The following ERC2 variants were observed in gnomAD, a reference collection of about 807,000 sequenced individuals.
ERC2 encodes ELKS/RAB6-interacting/CAST family member 2.
A neutral mutation model predicts 114.8 loss-of-function variants in ERC2; 42 were observed. The observed-to-expected ratio is 0.37, with a 90% CI of 0.29 to 0.47. ERC2 has a LOEUF of 0.47. Among genes scored for constraint, ERC2 ranks in the 20% least tolerant of loss-of-function variants. The pLI is 0.99. For missense variants in ERC2, 939 were observed against 1,150.7 expected (o/e 0.82, Z 2.66); for synonymous variants, 454 against 425.5 (o/e 1.07, Z -0.82).
At chr3:56,159,828 G>A (rs763755497) in intron 4 of ERC2, among the ~76,000 whole-genome samples, 3 of 152,126 alleles carry the variant, frequency 2.0e-5, no homozygotes, top group Non-Finnish European at 4.4e-5. Flanking sequence ...TGCTGCAAAG[G>A]ACATGGTTTC....
chr3:55,864,820 T>C (rs968238143), intron 14 of ERC2, among the ~76,000 whole-genome samples: 2 of 152,212 alleles, frequency 1.3e-5, no homozygotes, highest in South Asian at 4.2e-4. Flanking sequence ...ATCATCACCA[T>C]TGTCATCACA....
At chr3:55,692,104 A>G (rs2062699509) in intron 16 of ERC2, among the ~76,000 whole-genome samples, 3 of 152,242 alleles carry the variant, frequency 2.0e-5, no homozygotes, top group Admixed American at 2.0e-4. Flanking sequence ...TGGGGGCAAC[A>G]GAGCAGGTTG....
At chr3:55,542,513 T>G (rs2054465046) in intron 17 of ERC2, among the ~76,000 whole-genome samples, 1 of 152,140 alleles carries the variant, frequency 6.6e-6, no homozygotes, top group Admixed American at 6.5e-5. Flanking sequence ...CTCTCTCTCT[T>G]TCTCATGCCT....
At chr3:55,765,687 A>T (rs958461665) in intron 14 of ERC2, among the ~76,000 whole-genome samples, 1 of 152,148 alleles carries the variant, frequency 6.6e-6, no homozygotes, top group Non-Finnish European at 1.5e-5. Context: ...GGGCTATTAC[A>T]TCATGCAGAT....
At chr3:56,155,637 G>A (rs984820211) in intron 4 of ERC2, among the ~76,000 whole-genome samples, 2 of 152,136 alleles carry the variant, frequency 1.3e-5, no homozygotes, top group African/African-American at 4.8e-5. Context: ...AGTCAGGAAT[G>A]GGTAAGATTG....
chr3:56,002,839 G>A (rs1230561458), intron 10 of ERC2, among the ~76,000 whole-genome samples: 2 of 152,106 alleles, frequency 1.3e-5, no homozygotes, highest in Admixed American at 6.6e-5. Flanking sequence ...GCTGACTTTT[G>A]TTTTTCTATA....
chr3:55,630,847 C>G (rs1189365081), intron 17 of ERC2, among the ~76,000 whole-genome samples: 1 of 151,964 alleles, frequency 6.6e-6, no homozygotes, highest in Non-Finnish European at 1.5e-5. Context: ...AGAGTAAATA[C>G]CCAGAGTATC....
rs765315613 is a variant in ERC2 at position 55,888,446 on chromosome 3, T to C, written c.2507A>G (p.His836Arg). ...TQQSLAEKEAHLANLRIERRK... is the reference protein window; with the variant it reads ...TQQSLAEKEARLANLRIERRK... ...CCTCTCAATCCGGAGGTTGGCCAAG[T>C]GCGCTTCTTTTTCGGCCAGGGACTG... Residue 836 changes from histidine (H) to arginine (R), a missense_variant, in exon 14 of 18, where the codon CAC becomes CGC. Transcript: ENST00000288221. The C allele has an allele frequency of 1.9e-5, 30 of 1,613,768 alleles. No individual in the cohort carries two copies. The South Asian group carries it at 3.1e-4, about 17-fold the overall frequency.
chr3:55,624,437 G>C (rs980716596), intron 17 of ERC2, among the ~76,000 whole-genome samples: 2 of 152,184 alleles, frequency 1.3e-5, no homozygotes, highest in Non-Finnish European at 2.9e-5. Context: ...GGGGCATGCA[G>C]GGTGGATGGG....
At chr3:55,926,619 C>T (rs1201824540) in intron 13 of ERC2, among the ~76,000 whole-genome samples, 1 of 152,140 alleles carries the variant, frequency 6.6e-6, no homozygotes, top group African/African-American at 2.4e-5. Flanking sequence ...GGGTCTGTCA[C>T]TAGCAAACTG....
At chr3:55,641,257 G>A (rs1242010003) in intron 17 of ERC2, among the ~76,000 whole-genome samples, 1 of 152,052 alleles carries the variant, frequency 6.6e-6, no homozygotes, top group East Asian at 1.9e-4. Context: ...TCAGATATAA[G>A]AGCCAATATA....
chr3:55,633,975 T>C (rs940935846), intron 17 of ERC2, among the ~76,000 whole-genome samples: 1 of 152,160 alleles, frequency 6.6e-6, no homozygotes, highest in Non-Finnish European at 1.5e-5. Flanking sequence ...AGAGACTTCA[T>C]TTGTGTTCCA....
rs532225767 is a variant in ERC2, at chr3:56,069,881, A to G, written c.1641+10936T>C. ...AAAACAGTCTGTTTAAAGCAGTTAC[A>G]TATTTTAGTCTGCAGAAGTTGTAGT... On this transcript the variant is annotated intron_variant, in intron 7 of 17. Transcript: ENST00000288221. Among the ~76,000 whole-genome samples, 5 of 152,338 alleles carry G rather than the reference A, an allele frequency of 3.3e-5. No homozygotes were observed. In the South Asian group the frequency reaches 1.0e-3, roughly 32 times the overall value.
chr3:56,014,309 CT>C (rs1176873601), intron 8 of ERC2, among the ~76,000 whole-genome samples: 1 of 152,124 alleles, frequency 6.6e-6, no homozygotes, highest in Non-Finnish European at 1.5e-5. Flanking sequence ...TTTTTGTTCC[CT>C]CCCTGGCCCT....
chr3:55,621,528 ATT>A (rs1178160975), intron 17 of ERC2, among the ~76,000 whole-genome samples: 1 of 152,126 alleles, frequency 6.6e-6, no homozygotes, highest in Non-Finnish European at 1.5e-5. Context: ...CCAAGCACTG[ATT>A]TCAGGCACTG....
At chr3:56,331,859 A>G (rs890028320) in intron 2 of ERC2, among the ~76,000 whole-genome samples, 19 of 152,272 alleles carry the variant, frequency 1.2e-4, no homozygotes, top group African/African-American at 4.6e-4. Flanking sequence ...TGCCTTTTGG[A>G]TCCCAAAAGC....
At chr3:55,750,003 C>T (rs959113775) in intron 14 of ERC2, among the ~76,000 whole-genome samples, 1 of 152,160 alleles carries the variant, frequency 6.6e-6, no homozygotes, top group Non-Finnish European at 1.5e-5. Context: ...TGACTGCATA[C>T]CTATAGGTGG....
rs368938007 is a variant in ERC2 at position 56,322,123 on chromosome 3, G to A, written c.658-25688C>T. Among the ~76,000 whole-genome samples the A allele has an allele frequency of 3.3e-4, 50 of 152,296 alleles. 2 individuals carry two copies. In the South Asian group the frequency reaches 0.01, roughly 31 times the overall value. On this transcript the variant is annotated intron_variant, in intron 2 of 17. Coordinates refer to ENST00000288221, the MANE Select transcript of ERC2 (RefSeq NM_015576.3). ...GTGGCAGTTTCCTCATTTGTAAAAT[G>A]AGCTAACAACTACACTTCACAATGT...
At chr3:56,305,690 C>T (rs1007907943) in intron 2 of ERC2, among the ~76,000 whole-genome samples, 1 of 152,238 alleles carries the variant, frequency 6.6e-6, no homozygotes, top group Non-Finnish European at 1.5e-5. Flanking sequence ...CCATGCATAT[C>T]CTCACCCAGA....
Sources: allele counts gnomAD v4.1 joint callset (sites outside exome capture counted in the v4.1 genomes callset), GRCh38; gene constraint gnomAD v4.1.1; transcripts MANE v1.5; gene names NCBI Gene and HGNC (gene_info 2026-07-23, HGNC 2026-07-21).